ABHD17B: variants seen among roughly 807,000 people sequenced by gnomAD.
ABHD17B encodes the protein alpha/beta hydrolase domain-containing protein 17B.
ABHD17B carries 9 observed loss-of-function variants against 26.2 expected under a neutral mutation model. The observed-to-expected ratio is 0.34, with a 90% CI of 0.21 to 0.60. The LOEUF is 0.60. ABHD17B is among the 20% of genes least tolerant of loss of function. The pLI, the probability that ABHD17B is intolerant of heterozygous loss-of-function variation, is 0.80. For synonymous variants in ABHD17B, 127 were observed against 122.3 expected (o/e 1.04, Z -0.25); for missense variants, 224 against 352.1 (o/e 0.64, Z 2.91).
intron 1 of ABHD17B, among the ~76,000 whole-genome samples, chr9:71,890,281 C>T (rs1203986592): frequency 3.3e-5 from 5 of 152,004 alleles, no homozygotes; most frequent in Non-Finnish European, 4.4e-5. Context: ...CAGAGCTGGA[C>T]TCTGTCACAC....
chr9:71,911,147 G>A lies in ABHD17B; in HGVS notation c.-517C>T, dbSNP rs1827461203. Reference sequence around the variant, plus strand: ...GCGGGAGGAAGACTGGAGGGGAACGGAGGGGACGAGCACAATCCCCACTGA... The same window carrying A: ...GCGGGAGGAAGACTGGAGGGGAACGAAGGGGACGAGCACAATCCCCACTGA... On this transcript the variant is annotated 5_prime_UTR_variant, in exon 1 of 4. Transcript: ENST00000333421. Among the ~76,000 whole-genome samples, 1 of 152,190 alleles carries A rather than the reference G, an allele frequency of 6.6e-6. No homozygotes were observed. The highest frequency in any genetic ancestry group is 2.4e-5 in the African/African-American group (1 of 41,464).
chr9:71,875,044 A>T lies in ABHD17B; in HGVS notation c.37T>A (p.Phe13Ile). Residue 13 changes from phenylalanine (F) to isoleucine (I), a missense_variant, in exon 2 of 4, where the codon TTC (phenylalanine) becomes ATC (isoleucine). By Grantham distance (21) the Phe-to-Ile change is conservative (BLOSUM62 0). Coordinates refer to ENST00000333421, the MANE Select transcript of ABHD17B (RefSeq NM_001025780.3). ...NLSFSELCCLFCCPPCPGKIA... is the reference protein window; with the variant it reads ...NLSFSELCCLICCPPCPGKIA... Reference sequence around the variant, plus strand: ...TTCCCTGGACAAGGTGGACAGCAGAAGAGGCAACATAGCTCACTAAATGAA... The same window carrying T: ...TTCCCTGGACAAGGTGGACAGCAGATGAGGCAACATAGCTCACTAAATGAA... The T allele has an allele frequency of 6.2e-7, 1 of 1,613,434 alleles. No homozygotes were observed. The highest frequency in any genetic ancestry group is 2.2e-5 in the East Asian group (1 of 44,870).
At chr9:71,892,056 C>T (rs1432594127) in intron 1 of ABHD17B, among the ~76,000 whole-genome samples, 1 of 152,084 alleles carries the variant, frequency 6.6e-6, no homozygotes, top group Non-Finnish European at 1.5e-5. Context: ...CTCTTTATAC[C>T]TCATTTTCCT....
intron 2 of ABHD17B, among the ~76,000 whole-genome samples, chr9:71,874,402 A>G (rs1404692698): frequency 6.6e-6 from 1 of 152,216 alleles, no homozygotes; most frequent in African/African-American, 2.4e-5. Context: ...AATGTAGACA[A>G]ACAAACCTGA....
chr9:71,866,790 C>A lies in ABHD17B; in HGVS notation c.864G>T (p.Leu288Phe). Residue 288 changes from leucine (L) to phenylalanine (F), a missense_variant, in exon 4 of 4, where the codon TTG (leucine) becomes TTT (phenylalanine). Coordinates refer to ENST00000333421, the MANE Select transcript of ABHD17B (RefSeq NM_001025780.3). ...KQFVSQELVN[L>F] ...AGTAGCAAATTTACAGAATATTTTA[C>A]AAATTTACCAGTTCCTGTGACACAA... is the stretch of plus-strand genomic sequence containing the variant. 1 of 1,613,990 alleles carries A rather than the reference C, an allele frequency of 6.2e-7. No homozygotes were observed. The highest frequency in any genetic ancestry group is 8.5e-7 in the Non-Finnish European group (1 of 1,179,944).
At chr9:71,902,874 C>A (rs544942558) in intron 1 of ABHD17B, among the ~76,000 whole-genome samples, 70 of 152,214 alleles carry the variant, frequency 4.6e-4, no homozygotes, top group African/African-American at 1.7e-3. Context: ...CTTAAAAAAA[C>A]ATCTAAATTC....
intron 1 of ABHD17B, among the ~76,000 whole-genome samples, chr9:71,881,261 T>C (rs1389511792): frequency 1.3e-5 from 2 of 152,288 alleles, no homozygotes; most frequent in Admixed American, 6.5e-5. Context: ...TTTCAACAAA[T>C]GGTGCTAGGG....
chr9:71,870,478 A>G lies in ABHD17B; in HGVS notation c.468-216T>C, dbSNP rs149221279. ...TTTCTCTACTTCATCTTTTGGAAGA[A>G]TAATTGCTGAGGTATTTTAAGATTT... On this transcript the variant is annotated intron_variant, in intron 2 of 3. Coordinates refer to ENST00000333421, the MANE Select transcript of ABHD17B (RefSeq NM_001025780.3). 2.1e-3 allele frequency among the ~76,000 whole-genome samples: 322 copies of G among 152,332 alleles called. 4 individuals carry two copies. In the Middle Eastern group the frequency reaches 0.024, roughly 11 times the overall value.
At chr9:71,886,213 C>T (rs1312213795) in intron 1 of ABHD17B, among the ~76,000 whole-genome samples, 4 of 152,032 alleles carry the variant, frequency 2.6e-5, no homozygotes, top group African/African-American at 9.7e-5. Flanking sequence ...TTTAGAAAGC[C>T]ATACACATTA....
chr9:71,865,067 A>G (rs1346784226), downstream of ABHD17B: 1 of 755,640 alleles, frequency 1.3e-6, no homozygotes, highest in African/African-American at 1.9e-5. Flanking sequence ...TTTTCAAACT[A>G]TGTCCTATAA....
Position 71,876,643 on chromosome 9 carries a change from A to G in ABHD17B, c.-3-1560T>C, listed in dbSNP as rs188369737. Among the ~76,000 whole-genome samples, 565 of 152,206 alleles carry G rather than the reference A, an allele frequency of 3.7e-3. 3 individuals are homozygous for G. The highest frequency in any genetic ancestry group is 0.013 in the African/African-American group (525 of 41,540). On this transcript the variant is annotated intron_variant, in intron 1 of 3. Coordinates refer to ENST00000333421, the MANE Select transcript of ABHD17B (RefSeq NM_001025780.3). ...AAAATCTAAATATAAGAATAGGGGG[A>G]AAAAAGTACCCTATTACACCAAAAA...
intron 1 of ABHD17B, among the ~76,000 whole-genome samples, chr9:71,897,321 G>A (rs373854853): frequency 2.2e-3 from 3 of 1,382 alleles, no homozygotes; most frequent in African/African-American, 2.3e-3. Context: ...ACTTGAGCCT[G>A]AGTTCAAGAC....
Position 71,911,006 on chromosome 9 carries a change from A to G in ABHD17B, c.-376T>C, listed in dbSNP as rs574575618. 8.4e-5 allele frequency: 13 copies of G among 154,320 alleles called. No individual in the cohort carries two copies. In the South Asian group the frequency reaches 2.3e-3, roughly 27 times the overall value. The allele number at this position is 154,320 out of a possible 1,614,324, so 9.6% of individuals were successfully genotyped here. ...GGCCGTGGTCGCAGCCGCCGCCGCC[A>G]CCGCCTCCCTTTCTGGCACTGCAGA... On this transcript the variant is annotated 5_prime_UTR_variant, in exon 1 of 4. Coordinates refer to ENST00000333421, the MANE Select transcript of ABHD17B (RefSeq NM_001025780.3).
At chr9:71,872,875 C>T (rs1299518713) in intron 2 of ABHD17B, among the ~76,000 whole-genome samples, 1 of 151,874 alleles carries the variant, frequency 6.6e-6, no homozygotes, top group African/African-American at 2.4e-5. Flanking sequence ...ATCTTTTTTT[C>T]CTTATTCCCC....
rs1825957635 is a variant in ABHD17B, at chr9:71,866,456, TA to T, written c.*330del. The stretch of plus-strand genomic sequence containing the variant: ...TATTGAGATGTTTTAAAAATATTTA[TA>T]AATTTGTTTCTAGTATGCAAAAGCA... On this transcript the variant is annotated 3_prime_UTR_variant, in exon 4 of 4. Transcript: ENST00000333421. 9.9e-7 allele frequency: 1 copy of T among 1,013,528 alleles called. No individual in the cohort carries two copies. The highest frequency in any genetic ancestry group is 1.7e-5 in the African/African-American group (1 of 58,238). 62.8% of individuals were successfully genotyped at this position (1,013,528 alleles called of 1,614,324 possible).
At chr9:71,874,560 ATATTTTT>A (rs1289669024) in intron 2 of ABHD17B, 47 bp downstream of exon 2, 25 of 1,419,534 alleles carry the variant, frequency 1.8e-5, no homozygotes, top group Middle Eastern at 1.8e-4. Flanking sequence ...CTTACACAAG[ATATTTTT>A]AGCTAACCAC....
At chr9:71,873,307 A>G (rs1442673443) in intron 2 of ABHD17B, among the ~76,000 whole-genome samples, 2 of 152,190 alleles carry the variant, frequency 1.3e-5, no homozygotes, top group Non-Finnish European at 2.9e-5. Flanking sequence ...GAAAAGATTA[A>G]TGCAATTTCT....
intron 1 of ABHD17B, among the ~76,000 whole-genome samples, chr9:71,898,895 G>C (rs1457380421): frequency 6.6e-6 from 1 of 152,138 alleles, no homozygotes; most frequent in South Asian, 2.1e-4. Context: ...GTCTGAGGTG[G>C]ATGGATCACC....
downstream of ABHD17B, among the ~76,000 whole-genome samples, chr9:71,863,148 G>A (rs1825871299): frequency 6.6e-6 from 1 of 152,096 alleles, no homozygotes; most frequent in Non-Finnish European, 1.5e-5. Context: ...GGAGGATATG[G>A]CACAAGACCA....
Sources: gnomAD v4.1 joint callset for allele counts (sites outside exome capture counted in the v4.1 genomes callset) on GRCh38, gnomAD v4.1.1 for gene constraint, MANE v1.5 for transcripts, NCBI Gene and HGNC (gene_info 2026-07-23, HGNC 2026-07-21) for gene names.